Variants in TNFRSF10A observed in about 807,000 individuals in gnomAD.
TNFRSF10A encodes tumor necrosis factor receptor superfamily member 10A.
In TNFRSF10A, 44 loss-of-function variants were observed where a neutral mutation model predicts 42.8. That is an observed-to-expected ratio of 1.03 (90% CI 0.81 to 1.32). The LOEUF (loss-of-function observed/expected upper bound fraction) is 1.32, where lower values mean the gene tolerates loss of function less well. TNFRSF10A is among the 40% of genes most tolerant of loss of function. The probability of loss-of-function intolerance (pLI) is 0.00; values close to 1 mark genes in which losing one functional copy is unlikely to be tolerated. For synonymous variants in TNFRSF10A, 259 were observed against 234.2 expected (o/e 1.11, Z -0.97); for missense variants, 680 against 602.0 (o/e 1.13, Z -1.36).
intron 1 of TNFRSF10A, among the ~76,000 whole-genome samples, chr8:23,215,716 C>T (rs1801168733): frequency 6.6e-6 from 1 of 151,972 alleles, no homozygotes; most frequent in Non-Finnish European, 1.5e-5. Context: ...CCACTATTTT[C>T]CTTTTAATGG....
chr8:23,213,348 G>C (rs1348875901), intron 1 of TNFRSF10A, among the ~76,000 whole-genome samples: 1 of 149,042 alleles, frequency 6.7e-6, no homozygotes, highest in Non-Finnish European at 1.5e-5. Context: ...TCAACTTTCA[G>C]TTTCTTTGAG....
intron 2 of TNFRSF10A, among the ~76,000 whole-genome samples, chr8:23,210,693 A>G (rs527927255): frequency 1.4e-4 from 22 of 152,304 alleles, no homozygotes; most frequent in Admixed American, 9.8e-4. Context: ...AAAACAAAAA[A>G]CAAAACAAAA....
At chr8:23,199,985 G>T in intron 6 of TNFRSF10A, 68 bp from the exon 7 acceptor site, 1 of 1,576,460 alleles carries the variant, frequency 6.3e-7, no homozygotes, top group Non-Finnish European at 8.7e-7. Flanking sequence ...TTAGAGGGCA[G>T]TGTTGGGCAG....
Position 23,199,807 on chromosome 8 carries a change from C to T in TNFRSF10A, c.831+79G>A, listed in dbSNP as rs909986701. The T allele has an allele frequency of 3.1e-6, 5 of 1,599,112 alleles. No homozygotes were observed. The African/African-American group carries it at 5.4e-5, about 17-fold the overall frequency. On this transcript the variant is annotated intron_variant, in intron 7 of 9. Coordinates refer to ENST00000221132, the MANE Select transcript of TNFRSF10A (RefSeq NM_003844.4). ...GGGCAGCCATGAGAGCACGGGGACC[C>T]ACCCACCTGGACTACACTGTGGGCA...
intron 1 of TNFRSF10A, among the ~76,000 whole-genome samples, chr8:23,213,877 T>C (rs1801135780): frequency 6.6e-6 from 1 of 152,226 alleles, no homozygotes; most frequent in African/African-American, 2.4e-5. Flanking sequence ...TTATGGTATA[T>C]TGTTTTCATT....
intron 1 of TNFRSF10A, among the ~76,000 whole-genome samples, chr8:23,221,585 A>T (rs1197056836): frequency 6.6e-6 from 1 of 152,158 alleles, no homozygotes; most frequent in Non-Finnish European, 1.5e-5. Context: ...GAGGACAGAG[A>T]CATTATCTCC....
chr8:23,215,517 CATAA>C (rs770445632), intron 1 of TNFRSF10A, among the ~76,000 whole-genome samples: 1 of 80,870 alleles, frequency 1.2e-5, no homozygotes, highest in East Asian at 3.1e-4. Flanking sequence ...CAAAAAATAG[CATAA>C]CTAAATAAAT....
chr8:23,215,943 G>A (rs371669140), intron 1 of TNFRSF10A, among the ~76,000 whole-genome samples: 3 of 151,496 alleles, frequency 2.0e-5, no homozygotes, highest in Admixed American at 6.6e-5. Flanking sequence ...CTCAGCCTCC[G>A]GAGTAGCTGG....
chr8:23,208,044 G>A (rs983616763), intron 2 of TNFRSF10A, among the ~76,000 whole-genome samples: 1 of 152,204 alleles, frequency 6.6e-6, no homozygotes, highest in Non-Finnish European at 1.5e-5. Context: ...GACGAAGATA[G>A]GAAAATGTGG....
Position 23,225,035 on chromosome 8 carries a change from A to G in TNFRSF10A, c.27T>C (p.His9=). The part of the protein sequence containing the change: MAPPPARV[H]LGAFLAVTPN... ...GAGTCACTGCCAGGAACGCACCTAG[A>G]TGTACTCTAGCTGGTGGTGGCGCCA... Residue 9 remains histidine, a synonymous_variant, in exon 1 of 10, where the codon CAT becomes CAC. Transcript: ENST00000221132. The G allele has an allele frequency of 6.4e-7, 1 of 1,559,772 alleles. No individual in the cohort carries two copies. Among genetic ancestry groups the G allele is most frequent in the African/African-American group, 1.4e-5 (1 of 73,578 alleles).
chr8:23,201,998 C>G, intron 3 of TNFRSF10A, 79 bp from the exon 4 acceptor site: 1 of 1,292,674 alleles, frequency 7.7e-7, no homozygotes, highest in South Asian at 1.2e-5. Flanking sequence ...CCAACTCCCT[C>G]CCCCTCAGCT....
At chr8:23,192,786 G>T (rs960066083) in intron 9 of TNFRSF10A, among the ~76,000 whole-genome samples, 1 of 152,298 alleles carries the variant, frequency 6.6e-6, no homozygotes, top group Non-Finnish European at 1.5e-5. Flanking sequence ...TTGTCCCATA[G>T]AAAGGTTTTT....
At chr8:23,224,734 C>G (rs776139322) in intron 1 of TNFRSF10A, 22 bp downstream of exon 1, 8 of 1,553,342 alleles carry the variant, frequency 5.2e-6, no homozygotes, top group African/African-American at 2.7e-5. Flanking sequence ...TTTCCCCAGG[C>G]AGGACCGCGG....
In TNFRSF10A at chr8:23,191,977, A is replaced by G; in HGVS notation, c.1124T>C (p.Val375Ala). ...GAGCTGGTCCCAGGAGTCAAAGGGC[A>G]CGATGTTTGCAAACTTGTCAAAGAA... is the stretch of plus-strand genomic sequence containing the variant. Reference protein sequence around the residue: ...MLFFDKFANIVPFDSWDQLMR... With the variant: ...MLFFDKFANIAPFDSWDQLMR... The change falls in exon 10 of 10, where the codon GTG (valine) becomes GCG (alanine). Residue 375 changes from valine (V) to alanine (A), a missense_variant. Physicochemically the swap from Val to Ala is moderately conservative, Grantham distance 64. Transcript: ENST00000221132. 6.2e-7 allele frequency: 1 copy of G among 1,614,110 alleles called. No individual in the cohort carries two copies.
chr8:23,212,004 T>C, intron 2 of TNFRSF10A, 112 bp downstream of exon 2: 1 of 970,148 alleles, frequency 1.0e-6, no homozygotes, highest in East Asian at 3.0e-5. Context: ...ACAGAAAACT[T>C]GAAGAACATG....
chr8:23,222,756 C>T (rs1411621946), intron 1 of TNFRSF10A, among the ~76,000 whole-genome samples: 2 of 152,154 alleles, frequency 1.3e-5, no homozygotes, highest in African/African-American at 4.8e-5. Context: ...TCATGAAAGG[C>T]TTGGTGCCAT....
intron 8 of TNFRSF10A, among the ~76,000 whole-genome samples, chr8:23,198,389 T>C (rs938869176): frequency 5.9e-5 from 9 of 152,188 alleles, no homozygotes; most frequent in Non-Finnish European, 1.2e-4. Flanking sequence ...AAGGTAAAAG[T>C]ATCTACAGAT....
Position 23,200,045 on chromosome 8 carries a change from T to A in TNFRSF10A, c.800-128A>T. On this transcript the variant is annotated intron_variant, in intron 6 of 9. Transcript: ENST00000221132. ...GGACAAAGATCCCCGGGCCTGGGGA[T>A]CCACATGAGGCCCTGCTAACTCGGG... is the stretch of plus-strand genomic sequence containing the variant. The A allele has an allele frequency of 4.4e-6, 5 of 1,140,002 alleles. 1 individual carries two copies. Among genetic ancestry groups the A allele is most frequent in the South Asian group, 3.9e-5 (3 of 76,946 alleles). 70.6% of individuals were successfully genotyped at this position (1,140,002 alleles called of 1,614,324 possible).
chr8:23,203,701 C>T (rs373310128), intron 2 of TNFRSF10A, among the ~76,000 whole-genome samples: 11 of 152,132 alleles, frequency 7.2e-5, no homozygotes, highest in East Asian at 1.9e-4. Context: ...GTTACGATGA[C>T]GACACTACCA....
Sources: gnomAD v4.1 joint callset for allele counts (sites outside exome capture counted in the v4.1 genomes callset) on GRCh38, gnomAD v4.1.1 for gene constraint, MANE v1.5 for transcripts, NCBI Gene and HGNC (gene_info 2026-07-23, HGNC 2026-07-21) for gene names.